Variants in DHRSX observed in about 807,000 individuals in gnomAD.
DHRSX encodes dehydrogenase/reductase X-linked.
In DHRSX, 31 loss-of-function variants were observed where a neutral mutation model predicts 34.0. That is an observed-to-expected ratio of 0.91 (90% CI 0.69 to 1.23). The LOEUF is 1.23. DHRSX is among the 50% of genes most tolerant of loss of function. The probability of loss-of-function intolerance (pLI) is 0.00; values close to 1 mark genes in which losing one functional copy is unlikely to be tolerated. For synonymous variants in DHRSX, 201 were observed against 183.8 expected (o/e 1.09, Z -0.76); for missense variants, 414 against 428.1 (o/e 0.97, Z 0.29).
chrX:2,485,681 A>G (rs866036385), intron 1 of DHRSX, among the ~76,000 whole-genome samples: 1 of 59,610 alleles, frequency 1.7e-5, no homozygotes, highest in African/African-American at 9.8e-5. Context: ...GGAGGGGAGG[A>G]AAGGGAGGCA....
intron 5 of DHRSX, among the ~76,000 whole-genome samples, chrX:2,255,111 C>T (rs78289194): frequency 0.021 from 3,209 of 152,018 alleles, 113 homozygotes; most frequent in African/African-American, 0.072. Flanking sequence ...ACTACAGTCA[C>T]CCGTCACCAC....
chrX:2,381,446 A>C, intron 3 of DHRSX, among the ~76,000 whole-genome samples: 1 of 151,998 alleles, frequency 6.6e-6, no homozygotes, highest in East Asian at 2.0e-4. Context: ...AACAGGGAGA[A>C]ACCCCGTCTA....
Position 2,243,235 on chromosome X carries a change from G to A in DHRSX, c.597-5C>T. The stretch of plus-strand genomic sequence containing the variant: ...GCGTGGGGTGAGTAGCAGGCACTGT[G>A]GGGCAAGCAGGAGAAGGTGTAAGAG... On this transcript the variant is annotated splice_region_variant and splice_polypyrimidine_tract_variant and intron_variant, in intron 5 of 6. Transcript: ENST00000334651. 4 of 1,612,568 alleles carry A rather than the reference G, an allele frequency of 2.5e-6. No individual in the cohort carries two copies. Among genetic ancestry groups the A allele is most frequent in the Non-Finnish European group, 3.4e-6 (4 of 1,179,492 alleles).
chrX:2,265,608 C>T lies in DHRSX; in HGVS notation c.596+1132G>A, dbSNP rs1188796453. On this transcript the variant is annotated intron_variant, in intron 5 of 6. Transcript: ENST00000334651. ...CCCCAGAGCACCAGTGTACAGCAGACGCAGGGAGCACTGTACCCAGAGCAC... is the reference window on the plus strand; with the variant it reads ...CCCCAGAGCACCAGTGTACAGCAGATGCAGGGAGCACTGTACCCAGAGCAC... 1.7e-3 allele frequency among the ~76,000 whole-genome samples: 175 copies of T among 100,950 alleles called. 3 individuals are homozygous for T. Among genetic ancestry groups the T allele is most frequent in the Non-Finnish European group, 3.1e-3 (135 of 43,436 alleles). 66.2% of individuals were successfully genotyped at this position (100,950 alleles called of 152,430 possible).
At chrX:2,497,959 C>A (rs2045322920) in intron 1 of DHRSX, among the ~76,000 whole-genome samples, 1 of 152,100 alleles carries the variant, frequency 6.6e-6, no homozygotes. Flanking sequence ...ACTGAATGGG[C>A]CGCATGGATA....
chrX:2,235,553 G>A (rs2015992748), intron 6 of DHRSX, among the ~76,000 whole-genome samples: 1 of 151,266 alleles, frequency 6.6e-6, no homozygotes, highest in Admixed American at 6.6e-5. Flanking sequence ...GACCATCCCG[G>A]CCAACATGGT....
At position 2,488,954 on chromosome X, in the gene DHRSX, T is replaced by C. The variant is rs145927120; in HGVS notation, c.109+11863A>G. On this transcript the variant is annotated intron_variant, in intron 1 of 6. Coordinates refer to ENST00000334651, the MANE Select transcript of DHRSX (RefSeq NM_145177.3). ...GAGGGCCAGGCGGTCTGACCACCAC[T>C]TGAGGGGGTCTTCGTTGAGGCCAAG... is the stretch of plus-strand genomic sequence containing the variant. 9.4e-4 allele frequency: 1,506 copies of C among 1,597,150 alleles called. 12 individuals carry two copies. In the African/African-American group the frequency reaches 0.018, roughly 19 times the overall value.
At chrX:2,345,069 A>T (rs987631313) in intron 3 of DHRSX, among the ~76,000 whole-genome samples, 22 of 151,424 alleles carry the variant, frequency 1.5e-4, no homozygotes, top group Non-Finnish European at 2.9e-4. Flanking sequence ...TAACATACAC[A>T]CCTGATCACA....
At chrX:2,431,121 C>T (rs1212172419) in intron 1 of DHRSX, among the ~76,000 whole-genome samples, 1 of 151,856 alleles carries the variant, frequency 6.6e-6, no homozygotes, top group Non-Finnish European at 1.5e-5. Flanking sequence ...GTCAGGAGAT[C>T]GACACCATCC....
intron 3 of DHRSX, among the ~76,000 whole-genome samples, chrX:2,395,692 CAG>C (rs2043400729): frequency 1.3e-5 from 2 of 152,086 alleles, no homozygotes. Context: ...GCCAACACTT[CAG>C]AGTGACACAC....
chrX:2,389,532 G>A (rs2043310913), intron 3 of DHRSX, among the ~76,000 whole-genome samples: 1 of 152,146 alleles, frequency 6.6e-6, no homozygotes, highest in African/African-American at 2.4e-5. Context: ...TGTGTGCTTG[G>A]CGTGCTGGAC....
At chrX:2,294,320 G>A (rs1055997699) in intron 3 of DHRSX, among the ~76,000 whole-genome samples, 1 of 152,082 alleles carries the variant, frequency 6.6e-6, no homozygotes, top group African/African-American at 2.4e-5. Flanking sequence ...AAGGCAGGCA[G>A]ATCACGTGAG....
intron 3 of DHRSX, among the ~76,000 whole-genome samples, chrX:2,316,674 T>C (rs1291661089): frequency 1.3e-5 from 2 of 152,210 alleles, no homozygotes; most frequent in African/African-American, 2.4e-5. Flanking sequence ...CCAGCACAGA[T>C]GATCTCTCCT....
intron 3 of DHRSX, among the ~76,000 whole-genome samples, chrX:2,342,562 C>T (rs1054330766): frequency 1.3e-5 from 2 of 152,156 alleles, no homozygotes; most frequent in African/African-American, 2.4e-5. Context: ...ATGTCAACCC[C>T]GCAGATGACA....
At chrX:2,299,437 C>T (rs1199585994) in intron 3 of DHRSX, among the ~76,000 whole-genome samples, 1 of 152,186 alleles carries the variant, frequency 6.6e-6, no homozygotes, top group African/African-American at 2.4e-5. Flanking sequence ...CCACACACCA[C>T]ACCCTCCAAT....
intron 6 of DHRSX, among the ~76,000 whole-genome samples, chrX:2,233,511 G>T (rs145199679): frequency 1.3e-5 from 2 of 152,034 alleles, no homozygotes; most frequent in Admixed American, 6.6e-5. Flanking sequence ...ACGCCCGGCT[G>T]GGGGGCGCTG....
At chrX:2,431,153 G>A (rs2043915595) in intron 1 of DHRSX, among the ~76,000 whole-genome samples, 1 of 151,970 alleles carries the variant, frequency 6.6e-6, no homozygotes, top group Non-Finnish European at 1.5e-5. Flanking sequence ...GTGAAACCCG[G>A]TCTCTACTAA....
chrX:2,359,762 T>C (rs1242253481), intron 3 of DHRSX, among the ~76,000 whole-genome samples: 4 of 152,140 alleles, frequency 2.6e-5, no homozygotes, highest in Non-Finnish European at 4.4e-5. Flanking sequence ...AACAAGATCA[T>C]GTCCTTTGCA....
intron 5 of DHRSX, among the ~76,000 whole-genome samples, chrX:2,253,294 G>A (rs1350604475): frequency 1.5e-5 from 2 of 133,364 alleles, no homozygotes; most frequent in Admixed American, 7.4e-5. Context: ...ATGGCGCCAC[G>A]GCACTGCAGC....
Sources: gnomAD v4.1 joint callset for allele counts (sites outside exome capture counted in the v4.1 genomes callset) on GRCh38, gnomAD v4.1.1 for gene constraint, MANE v1.5 for transcripts, NCBI Gene and HGNC (gene_info 2026-07-23, HGNC 2026-07-21) for gene names.